The following DNAAF11 variants were observed in gnomAD, a reference collection of about 807,000 sequenced individuals.
The protein encoded by DNAAF11 is dynein axonemal assembly factor 11.
Under a neutral mutation model 60.8 loss-of-function variants are expected in DNAAF11, and 45 were observed. The observed-to-expected ratio is 0.74, with a 90% CI of 0.58 to 0.95. The LOEUF (loss-of-function observed/expected upper bound fraction) is 0.95. Ranked by LOEUF, DNAAF11 falls within the 40% of genes least tolerant of loss-of-function variation. The pLI is 0.00. For missense variants in DNAAF11, 546 were observed against 546.2 expected, an observed-to-expected ratio of 1.00 and a Z score of 0.00; for synonymous variants, 191 against 183.5, an observed-to-expected ratio of 1.04 and a Z score of -0.33.
chr8:132,700,723 T>G, the DNAAF11 span, among the ~76,000 whole-genome samples: 2 of 152,094 alleles, frequency 1.3e-5, no homozygotes, highest in African/African-American at 4.8e-5. Context: ...AGAATCTGAT[T>G]GCCCAAGCTT....
intron 10 of DNAAF11, among the ~76,000 whole-genome samples, chr8:132,587,006 A>G (rs1469082687): frequency 6.6e-6 from 1 of 152,222 alleles, no homozygotes; most frequent in Non-Finnish European, 1.5e-5. Context: ...TTAAAATATC[A>G]GCTTAAAAAA....
chr8:132,641,113 A>G (rs1274366149), intron 3 of DNAAF11, among the ~76,000 whole-genome samples: 1 of 152,166 alleles, frequency 6.6e-6, no homozygotes, highest in African/African-American at 2.4e-5. Context: ...AAAAGGAATG[A>G]TGGAATGAAA....
chr8:132,593,088 G>A (rs987000721), intron 10 of DNAAF11, among the ~76,000 whole-genome samples: 2 of 151,524 alleles, frequency 1.3e-5, no homozygotes, highest in Non-Finnish European at 2.9e-5. Context: ...AAAGGAAGAT[G>A]TACTTACAAA....
intron 7 of DNAAF11, among the ~76,000 whole-genome samples, chr8:132,618,948 A>G (rs1192879833): frequency 2.0e-5 from 3 of 151,792 alleles, no homozygotes; most frequent in African/African-American, 7.3e-5. Flanking sequence ...CCATTACTGG[A>G]TATATACCCA....
chr8:132,659,326 A>G (rs998566089), intron 2 of DNAAF11, among the ~76,000 whole-genome samples: 4 of 152,242 alleles, frequency 2.6e-5, no homozygotes, highest in African/African-American at 9.6e-5. Flanking sequence ...TTGCTAAATA[A>G]GTGCCTAAAT....
chr8:132,617,223 G>A (rs939339057), intron 7 of DNAAF11, among the ~76,000 whole-genome samples: 2 of 152,132 alleles, frequency 1.3e-5, no homozygotes, highest in Non-Finnish European at 2.9e-5. Flanking sequence ...TACAGCCATG[G>A]GATTTGGTGA....
At position 132,572,459 on chromosome 8, in the gene DNAAF11, T is replaced by C; in HGVS notation, c.1248A>G (p.Leu416=). 1 of 1,603,776 alleles carries C rather than the reference T, an allele frequency of 6.2e-7. No individual in the cohort carries two copies. Among genetic ancestry groups the C allele is most frequent in the Non-Finnish European group, 8.5e-7 (1 of 1,175,670 alleles). ...TNTRSKHMEK[L]EVDPSKHSFP... ...ATGAGTGCTTGCTAGGGTCTACTTC[T>C]AGTTTCTCCATGTGCTTGCTTCTAT... The change falls in exon 12 of 12, where the codon CTA becomes CTG. Residue 416 remains leucine, a synonymous_variant. Transcript: ENST00000620350.
At chr8:132,640,580 T>C (rs1821756016) in intron 3 of DNAAF11, among the ~76,000 whole-genome samples, 1 of 152,152 alleles carries the variant, frequency 6.6e-6, no homozygotes, top group South Asian at 2.1e-4. Flanking sequence ...ATGAATTTGA[T>C]ACATCTAAGG....
At chr8:132,682,161 A>G in the DNAAF11 span, among the ~76,000 whole-genome samples, 1 of 152,222 alleles carries the variant, frequency 6.6e-6, no homozygotes, top group African/African-American at 2.4e-5. Context: ...TGACCAATAG[A>G]GTACAAGGGA....
rs949034752 is a variant in DNAAF11, at chr8:132,675,370, C to G, written c.10+114G>C. 1.4e-5 allele frequency: 17 copies of G among 1,250,026 alleles called. No homozygotes were observed. In the African/African-American group the frequency reaches 1.5e-4, roughly 11 times the overall value. The allele number at this position is 1,250,026 out of a possible 1,614,324, so 77.4% of individuals were successfully genotyped here. A position where few individuals can be genotyped will look rare whatever the true frequency, so the allele number is the denominator to read the frequency against. On this transcript the variant is annotated intron_variant, in intron 1 of 11. Coordinates refer to ENST00000620350, the MANE Select transcript of DNAAF11 (RefSeq NM_012472.6). ...GGGCCGGGTGGGGTTAGGGTCCGCC[C>G]AGGCGCGGGGGAACCGACAGCGCAG...
chr8:132,578,595 G>A (rs1017543435), intron 11 of DNAAF11: 1 of 780,008 alleles, frequency 1.3e-6, no homozygotes, highest in Non-Finnish European at 2.1e-6. Flanking sequence ...ATCACTAAGT[G>A]CAAAACACAT....
intron 6 of DNAAF11, among the ~76,000 whole-genome samples, chr8:132,624,864 A>C (rs1342876267): frequency 6.6e-6 from 1 of 152,178 alleles, no homozygotes; most frequent in Non-Finnish European, 1.5e-5. Context: ...TAGGAAAATA[A>C]AATGTCTAAT....
At chr8:132,596,145 G>A (rs1056442874) in intron 10 of DNAAF11, among the ~76,000 whole-genome samples, 7 of 152,176 alleles carry the variant, frequency 4.6e-5, no homozygotes, top group Non-Finnish European at 1.5e-5. Context: ...AGCAGGATAG[G>A]AAGTCCATGC....
intron 7 of DNAAF11, among the ~76,000 whole-genome samples, chr8:132,617,984 G>C (rs1044314059): frequency 1.3e-5 from 2 of 148,768 alleles, no homozygotes; most frequent in Non-Finnish European, 3.0e-5. Flanking sequence ...AGCCCACATC[G>C]CCAAGTCAAT....
chr8:132,598,978 T>C (rs765509591), intron 10 of DNAAF11, among the ~76,000 whole-genome samples: 1 of 152,148 alleles, frequency 6.6e-6, no homozygotes, highest in East Asian at 1.9e-4. Flanking sequence ...AATCAATGAA[T>C]CCAGGAGCTG....
At chr8:132,618,147 TC>T (rs1425454781) in intron 7 of DNAAF11, among the ~76,000 whole-genome samples, 1 of 151,814 alleles carries the variant, frequency 6.6e-6, no homozygotes, top group African/African-American at 2.4e-5. Context: ...ATGCCGCATA[TC>T]TACAACTATC....
intron 3 of DNAAF11, among the ~76,000 whole-genome samples, chr8:132,646,415 G>A (rs1449303330): frequency 1.3e-5 from 2 of 152,188 alleles, no homozygotes; most frequent in Non-Finnish European, 2.9e-5. Flanking sequence ...ATGCTAGGAA[G>A]AAACTACGTC....
Position 132,572,269 on chromosome 8 carries a change from TG to T in DNAAF11, c.*36del. 1 of 1,591,024 alleles carries T rather than the reference TG, an allele frequency of 6.3e-7. No homozygotes were observed. Among genetic ancestry groups the T allele is most frequent in the Non-Finnish European group, 8.6e-7 (1 of 1,168,524 alleles). On this transcript the variant is annotated 3_prime_UTR_variant, in exon 12 of 12. Coordinates refer to ENST00000620350, the MANE Select transcript of DNAAF11 (RefSeq NM_012472.6). Reference sequence around the variant, plus strand: ...TCTCTACACCAACCAAAACTGGACCTGGTGGGTCTCAGCCAATGGCAACGCA... The same window carrying T: ...TCTCTACACCAACCAAAACTGGACCTGTGGGTCTCAGCCAATGGCAACGCA...
intron 2 of DNAAF11, among the ~76,000 whole-genome samples, chr8:132,657,751 G>C (rs1195510868): frequency 6.6e-6 from 1 of 152,168 alleles, no homozygotes; most frequent in Non-Finnish European, 1.5e-5. Flanking sequence ...GTCACACAAT[G>C]TTCTCAGCAT....
Sources: gnomAD v4.1 joint callset for allele counts (sites outside exome capture counted in the v4.1 genomes callset) on GRCh38, gnomAD v4.1.1 for gene constraint, MANE v1.5 for transcripts, NCBI Gene and HGNC (gene_info 2026-07-23, HGNC 2026-07-21) for gene names.